L3MBTL4: variants seen among roughly 807,000 people sequenced by gnomAD.
The protein encoded by L3MBTL4 is lethal(3)malignant brain tumor-like protein 4.
Under a neutral mutation model 84.5 loss-of-function variants are expected in L3MBTL4, and 70 were observed. The ratio of observed to expected loss-of-function variants is 0.83; its 90% CI spans 0.68 to 1.01. The LOEUF (loss-of-function observed/expected upper bound fraction) is 1.01. L3MBTL4 is among the 50% of genes least tolerant of loss of function. The pLI, the probability that L3MBTL4 is intolerant of heterozygous loss-of-function variation, is 0.00. For synonymous variants in L3MBTL4, 274 were observed against 259.8 expected (o/e 1.05, Z -0.52); for missense variants, 715 against 754.8 (o/e 0.95, Z 0.62).
chr18:6,369,229 G>T (rs1332972737), intron 1 of L3MBTL4, among the ~76,000 whole-genome samples: 1 of 152,056 alleles, frequency 6.6e-6, no homozygotes, highest in Non-Finnish European at 1.5e-5. Context: ...CAAATTAAAA[G>T]ACAGAAATCA....
chr18:6,231,333 G>A (rs2046991839), intron 10 of L3MBTL4, among the ~76,000 whole-genome samples: 1 of 152,072 alleles, frequency 6.6e-6, no homozygotes, highest in Non-Finnish European at 1.5e-5. Context: ...ATTGAAGAGG[G>A]AGTCCTTCCA....
intron 4 of L3MBTL4, among the ~76,000 whole-genome samples, chr18:6,277,315 TA>T (rs1193620248): frequency 1.3e-5 from 2 of 152,198 alleles, no homozygotes; most frequent in Non-Finnish European, 2.9e-5. Context: ...AAACATTTTC[TA>T]AGTCTTTAAT....
chr18:6,374,713 G>A (rs1026310149), intron 1 of L3MBTL4, among the ~76,000 whole-genome samples: 6 of 151,988 alleles, frequency 3.9e-5, no homozygotes, highest in African/African-American at 1.5e-4. Context: ...GTGAAAACAC[G>A]ATAGAACCAG....
rs187366924 is a variant in L3MBTL4 at position 6,208,216 on chromosome 18, T to A, written c.981+4933A>T. Among the ~76,000 whole-genome samples, 1,103 of 152,306 alleles carry A rather than the reference T, an allele frequency of 7.2e-3. 8 individuals carry two copies. The highest frequency in any genetic ancestry group is 0.01 in the Non-Finnish European group (710 of 68,026). ...GCTTTCTGGAAGCACAGGCAACCCT[T>A]AGTAAAGTGAACATCACTAACTCAT... On this transcript the variant is annotated intron_variant, in intron 12 of 18. Coordinates refer to ENST00000317931, the MANE Select transcript of L3MBTL4 (RefSeq NM_001330559.2).
At chr18:5,972,892 G>GAGAAGAGAAGAGAATAGAAT (rs71370533) in intron 16 of L3MBTL4, among the ~76,000 whole-genome samples, 1 of 132,034 alleles carries the variant, frequency 7.6e-6, no homozygotes, top group Admixed American at 7.8e-5. Context: ...TAGAACAGAA[G>GAGAAGAGAAGAGAATAGAAT]AGAATAGAAT....
chr18:6,206,751 T>C (rs1431640327), intron 12 of L3MBTL4, among the ~76,000 whole-genome samples: 1 of 152,164 alleles, frequency 6.6e-6, no homozygotes, highest in African/African-American at 2.4e-5. Flanking sequence ...GAAAAAAATA[T>C]GTATTTCTTT....
chr18:6,093,025 A>G (rs907272885), intron 15 of L3MBTL4, among the ~76,000 whole-genome samples: 3 of 152,246 alleles, frequency 2.0e-5, no homozygotes, highest in Non-Finnish European at 4.4e-5. Context: ...GGTAATATCT[A>G]TGAAACGATT....
rs979715884 is a variant in L3MBTL4, at chr18:6,398,744, G to A, written c.-91+16057C>T. 1.7e-4 allele frequency among the ~76,000 whole-genome samples: 25 copies of A among 150,300 alleles called. No homozygotes were observed. In the South Asian group the frequency reaches 3.5e-3, roughly 21 times the overall value. ...TTAATTGGATTTCAGACTTCATTGCGGGGGGGCGGGGGCGGGGGAGAAAAA... is the reference window on the plus strand; with the variant it reads ...TTAATTGGATTTCAGACTTCATTGCAGGGGGGCGGGGGCGGGGGAGAAAAA... On this transcript the variant is annotated intron_variant, in intron 1 of 18. Transcript: ENST00000317931.
chr18:6,022,983 CATTAGGCCTCTGGTTACTCACTGGT>C (rs2055339160), intron 16 of L3MBTL4, among the ~76,000 whole-genome samples: 1 of 152,112 alleles, frequency 6.6e-6, no homozygotes, highest in Non-Finnish European at 1.5e-5. Context: ...TTCTTAATCC[CATTAGGCCTCTGGTTACTCACTGGT>C]AAAACAAGGG....
At chr18:6,088,773 C>A (rs76811558) in intron 15 of L3MBTL4, among the ~76,000 whole-genome samples, 5,232 of 152,036 alleles carry the variant, frequency 0.034, 134 homozygotes, top group African/African-American at 0.079. Flanking sequence ...ATGTTGCAGC[C>A]AAAATAAACT....
At chr18:5,978,439 G>C (rs1305552663) in intron 16 of L3MBTL4, among the ~76,000 whole-genome samples, 1 of 152,072 alleles carries the variant, frequency 6.6e-6, no homozygotes, top group Non-Finnish European at 1.5e-5. Flanking sequence ...TATTTTGATC[G>C]ATACTACACC....
At chr18:6,293,704 A>T (rs7242590) in intron 4 of L3MBTL4, among the ~76,000 whole-genome samples, 28,739 of 152,174 alleles carry the variant, frequency 0.19, 2,853 homozygotes, top group African/African-American at 0.24. Context: ...AAATCATGTG[A>T]CATCTACTGT....
At chr18:6,370,752 G>A (rs1349570168) in intron 1 of L3MBTL4, among the ~76,000 whole-genome samples, 2 of 152,182 alleles carry the variant, frequency 1.3e-5, no homozygotes, top group African/African-American at 2.4e-5. Context: ...AGGCCACACT[G>A]TCCCCAGTTG....
chr18:6,161,916 T>A (rs1204146980), intron 13 of L3MBTL4, among the ~76,000 whole-genome samples: 2 of 150,372 alleles, frequency 1.3e-5, no homozygotes, highest in Non-Finnish European at 3.0e-5. Flanking sequence ...AAAATACATA[T>A]AATTCTTATA....
chr18:6,215,192 G>A (rs971470889), intron 11 of L3MBTL4, among the ~76,000 whole-genome samples: 2 of 152,030 alleles, frequency 1.3e-5, no homozygotes, highest in Non-Finnish European at 2.9e-5. Context: ...TTTAGGTTTA[G>A]GATATAAATA....
At chr18:6,317,392 T>A (rs1404163299) in intron 1 of L3MBTL4, among the ~76,000 whole-genome samples, 3 of 151,706 alleles carry the variant, frequency 2.0e-5, no homozygotes, top group Non-Finnish European at 2.9e-5. Context: ...TATAAAGAGA[T>A]ACATATTTTA....
At chr18:6,370,407 C>CT (rs1452322107) in intron 1 of L3MBTL4, among the ~76,000 whole-genome samples, 1 of 152,166 alleles carries the variant, frequency 6.6e-6, no homozygotes, top group East Asian at 1.9e-4. Context: ...ATGAAGTCAG[C>CT]TTTTGTTCCA....
At position 5,978,960 on chromosome 18, in the gene L3MBTL4, T is replaced by C. The variant is rs1246898960; in HGVS notation, c.1445-9398A>G. On this transcript the variant is annotated intron_variant, in intron 16 of 18. Transcript: ENST00000317931. Reference sequence around the variant, plus strand: ...TCAGCCTTAAAATCTGAGCACGACCTACCTCTGGGAGGGCAGACACCATAT... The same window carrying C: ...TCAGCCTTAAAATCTGAGCACGACCCACCTCTGGGAGGGCAGACACCATAT... Among the ~76,000 whole-genome samples the C allele has an allele frequency of 3.3e-5, 5 of 152,302 alleles. No individual in the cohort carries two copies. The East Asian group carries it at 9.6e-4, about 29-fold the overall frequency.
chr18:6,238,426 G>A (rs1412482780), intron 9 of L3MBTL4, among the ~76,000 whole-genome samples: 8 of 152,194 alleles, frequency 5.3e-5, no homozygotes, highest in South Asian at 4.2e-4. Context: ...CCAGCTACTC[G>A]GGAGGCTGAG....
Sources: allele counts gnomAD v4.1 joint callset (sites outside exome capture counted in the v4.1 genomes callset), GRCh38; gene constraint gnomAD v4.1.1; transcripts MANE v1.5; gene names NCBI Gene and HGNC (gene_info 2026-07-23, HGNC 2026-07-21).